The following PCDHGB4 variants were observed in gnomAD, a reference collection of about 807,000 sequenced individuals.
PCDHGB4 encodes protocadherin gamma-B4.
In PCDHGB4, 38 loss-of-function variants were observed where a neutral mutation model predicts 60.5. The observed-to-expected ratio is 0.63, with a 90% confidence interval of 0.48 to 0.82. The LOEUF is 0.82. Ranked by LOEUF, PCDHGB4 falls within the 40% of genes least tolerant of loss-of-function variation. PCDHGB4 has a pLI of 0.00. For synonymous variants in PCDHGB4, 456 were observed against 509.7 expected, an observed-to-expected ratio of 0.89 and a Z score of 1.42; for missense variants, 1,109 against 1,209.6, an observed-to-expected ratio of 0.92 and a Z score of 1.23.
rs749173529 is a variant in PCDHGB4, at chr5:141,390,004, T to C, written c.2120T>C (p.Leu707Pro). Residue 707 changes from leucine to proline, a missense_variant, in exon 1 of 4, where the codon CTG becomes CCG. Around this residue, in one of 2 missense-constraint regions of PCDHGB4, gnomAD observed 1,068 missense variants for 1,089.9 expected, o/e 0.98. Coordinates refer to ENST00000519479, the MANE Select transcript of PCDHGB4 (RefSeq NM_003736.4). ...GTGCTCTTCCTCGTGGCCATGATTCTGGCCATTGCCTTGCGCCTGCGACGC... is the reference window on the plus strand; with the variant it reads ...GTGCTCTTCCTCGTGGCCATGATTCCGGCCATTGCCTTGCGCCTGCGACGC... The part of the protein sequence containing the change: ...ISVLFLVAMI[L>P]AIALRLRRSS... 3 of 1,614,044 alleles carry C rather than the reference T, an allele frequency of 1.9e-6. No individual in the cohort carries two copies. The highest frequency in any genetic ancestry group is 1.7e-5 in the Admixed American group (1 of 60,028).
chr5:141,398,051 C>T, intron 1 of PCDHGB4: 1 of 1,512,220 alleles, frequency 6.6e-7, no homozygotes, highest in Non-Finnish European at 8.9e-7. Flanking sequence ...GTTCGGAGAT[C>T]CAAAAATCTA....
intron 1 of PCDHGB4, chr5:141,421,579 T>G (rs753573473): frequency 1.9e-6 from 3 of 1,613,816 alleles, no homozygotes; most frequent in Non-Finnish European, 2.5e-6. Context: ...CTTGAAGATT[T>G]ACGGAGTGGA....
chr5:141,430,805 C>T (rs1445689047), intron 1 of PCDHGB4: 2 of 1,525,722 alleles, frequency 1.3e-6, no homozygotes, highest in Admixed American at 2.3e-5. Flanking sequence ...GCTTGTCCTG[C>T]TGGGAATCCT....
intron 1 of PCDHGB4, among the ~76,000 whole-genome samples, chr5:141,492,996 AG>A: frequency 6.6e-6 from 1 of 152,348 alleles, no homozygotes; most frequent in Admixed American, 6.5e-5. Flanking sequence ...GCAGATGGAA[AG>A]CTATAGGCTC....
Position 141,511,995 on chromosome 5 carries a change from A to G in PCDHGB4, c.*822A>G, listed in dbSNP as rs1049905198. The G allele has an allele frequency of 1.3e-5, 2 of 153,074 alleles. No homozygotes were observed. The highest frequency in any genetic ancestry group is 4.8e-5 in the African/African-American group (2 of 41,464). The allele number at this position is 153,074 out of a possible 1,614,324, so 9.5% of individuals were successfully genotyped here. On this transcript the variant is annotated 3_prime_UTR_variant, in exon 4 of 4. Transcript: ENST00000519479. The stretch of plus-strand genomic sequence containing the variant: ...GGATGTGGATGGTGGGGGCATGGAC[A>G]AAGCTTGACACATCAAGTTATCAAG...
chr5:141,426,542 T>C, intron 1 of PCDHGB4: 1 of 347,918 alleles, frequency 2.9e-6, no homozygotes, highest in South Asian at 2.2e-5. Context: ...AACATACTTG[T>C]GAGTGACAGA....
intron 1 of PCDHGB4, among the ~76,000 whole-genome samples, chr5:141,481,193 A>G (rs749746998): frequency 1.3e-5 from 2 of 152,216 alleles, no homozygotes; most frequent in Admixed American, 6.5e-5. Context: ...GCCAGGCCCA[A>G]TTTTTTTAAA....
At chr5:141,473,189 A>G (rs1049891105) in intron 1 of PCDHGB4, among the ~76,000 whole-genome samples, 2 of 152,198 alleles carry the variant, frequency 1.3e-5, no homozygotes, top group Admixed American at 6.5e-5. Flanking sequence ...GAAGGAGTAA[A>G]TGTATCTTCT....
At chr5:141,501,328 CA>C (rs1446948770) in intron 2 of PCDHGB4, among the ~76,000 whole-genome samples, 83 of 151,828 alleles carry the variant, frequency 5.5e-4, no homozygotes, top group Admixed American at 2.2e-3. Context: ...CACACACACA[CA>C]CACACCCCAA....
intron 1 of PCDHGB4, among the ~76,000 whole-genome samples, chr5:141,454,796 ATTTTTTTTTTTTT>A (rs61612330): frequency 7.8e-5 from 6 of 77,408 alleles, no homozygotes; most frequent in African/African-American, 1.2e-4. Flanking sequence ...CATGGTTCTA[ATTTTTTTTTTTTT>A]TTTTTTTTTT....
chr5:141,410,329 G>T, intron 1 of PCDHGB4: 1 of 1,613,982 alleles, frequency 6.2e-7, no homozygotes, highest in African/African-American at 1.3e-5. Context: ...CCGTGATTCT[G>T]GCCATTGCCT....
chr5:141,412,357 T>A (rs756056496), intron 1 of PCDHGB4: 17 of 152,366 alleles, frequency 1.1e-4, no homozygotes, highest in Middle Eastern at 3.4e-3. Context: ...TAGTTTGTGA[T>A]TACCTGCTTA....
Position 141,485,633 on chromosome 5 carries a change from T to C in PCDHGB4, c.2398-9174T>C. 2 of 1,611,808 alleles carry C rather than the reference T, an allele frequency of 1.2e-6. No homozygotes were observed. Among genetic ancestry groups the C allele is most frequent in the South Asian group, 1.1e-5 (1 of 90,962 alleles). On this transcript the variant is annotated intron_variant, in intron 1 of 3. Coordinates refer to ENST00000519479, the MANE Select transcript of PCDHGB4 (RefSeq NM_003736.4). The surrounding 1 kb of genome is among the most constrained non-coding windows in gnomAD (Gnocchi z 5.7). Reference sequence around the variant, plus strand: ...AGCTCCTCCAGGACAGCGTTTCCCGTTGGAAAAGGCTCAGGATGCAGATGT... The same window carrying C: ...AGCTCCTCCAGGACAGCGTTTCCCGCTGGAAAAGGCTCAGGATGCAGATGT...
intron 1 of PCDHGB4, chr5:141,404,248 G>T (rs1404333144): frequency 6.2e-7 from 1 of 1,613,694 alleles, no homozygotes; most frequent in South Asian, 1.1e-5. Flanking sequence ...CTCCGCCCCT[G>T]TCCACAGAAA....
At position 141,497,540 on chromosome 5, in the gene PCDHGB4, C is replaced by CT. The variant is rs754207034; in HGVS notation, c.2456+2693dup. On this transcript the variant is annotated intron_variant, in intron 2 of 3. Transcript: ENST00000519479. Reference sequence around the variant, plus strand: ...TTAACTTGTGGAGGATGCAACAAACCTTTTTTTTTTTTTTTTTTAGACAGA... The same window carrying CT: ...TTAACTTGTGGAGGATGCAACAAACCTTTTTTTTTTTTTTTTTTTAGACAGA... Among the ~76,000 whole-genome samples, 618 of 134,908 alleles carry CT rather than the reference C, an allele frequency of 4.6e-3. 3 individuals carry two copies. The highest frequency in any genetic ancestry group is 0.012 in the African/African-American group (419 of 35,974). 88.5% of individuals were successfully genotyped at this position (134,908 alleles called of 152,430 possible). A position where few individuals can be genotyped will look rare whatever the true frequency, so the allele number is the denominator to read the frequency against.
Position 141,431,625 on chromosome 5 carries a change from C to T in PCDHGB4, c.2397+41344C>T. The T allele has an allele frequency of 6.2e-7, 1 of 1,614,224 alleles. No individual in the cohort carries two copies. Among genetic ancestry groups the T allele is most frequent in the South Asian group, 1.1e-5 (1 of 91,082 alleles). On this transcript the variant is annotated intron_variant, in intron 1 of 3. Transcript: ENST00000519479. This position sits in a 1 kb window ranked among gnomAD's most constrained non-coding sequence, Gnocchi z 4.8. Reference sequence around the variant, plus strand: ...TTCCGGTATGTGGACGACAAGGCGGCCCAAGTTTTCAAACTAGATTGTAAT... The same window carrying T: ...TTCCGGTATGTGGACGACAAGGCGGTCCAAGTTTTCAAACTAGATTGTAAT...
intron 1 of PCDHGB4, chr5:141,398,380 C>G: frequency 6.9e-7 from 1 of 1,455,908 alleles, no homozygotes; most frequent in South Asian, 1.2e-5. Flanking sequence ...CGGGGAGTTG[C>G]TTGTGAGCAG....
At chr5:141,399,796 C>T (rs62621781) in intron 1 of PCDHGB4, 21,149 of 1,613,212 alleles carry the variant, frequency 0.013, 194 homozygotes, top group Non-Finnish European at 0.015. Context: ...CAACGCACCG[C>T]GGGTGCTGTA....
chr5:141,403,177 C>T, intron 1 of PCDHGB4: 3 of 1,614,008 alleles, frequency 1.9e-6, no homozygotes, highest in Non-Finnish European at 2.5e-6. Context: ...CGCAGCTTTT[C>T]TCTCTGAACC....
Sources: gnomAD v4.1 joint callset for allele counts (sites outside exome capture counted in the v4.1 genomes callset) on GRCh38, gnomAD v4.1.1 for gene constraint, gnomAD v4.1.1 regional missense constraint, Gnocchi (gnomAD v3.1) non-coding constraint, MANE v1.5 for transcripts, NCBI Gene and HGNC (gene_info 2026-07-23, HGNC 2026-07-21) for gene names.